Variants in EMC2 observed in about 807,000 individuals in gnomAD.
EMC2 encodes the protein ER membrane protein complex subunit 2.
In EMC2, 37 loss-of-function variants were observed where a neutral mutation model predicts 51.6. The observed-to-expected ratio is 0.72, with a 90% CI of 0.55 to 0.94. EMC2 has a LOEUF of 0.94. Ranked by LOEUF, EMC2 falls within the 40% of genes least tolerant of loss-of-function variation. The pLI, the probability that EMC2 is intolerant of heterozygous loss-of-function variation, is 0.00. For missense variants in EMC2, 359 were observed against 350.9 expected (o/e 1.02, Z -0.18); for synonymous variants, 131 against 112.4 (o/e 1.17, Z -1.04).
intron 5 of EMC2, among the ~76,000 whole-genome samples, chr8:108,457,881 A>G (rs1184323834): frequency 6.6e-6 from 1 of 152,210 alleles, no homozygotes; most frequent in African/African-American, 2.4e-5. Flanking sequence ...TTAATTCAGA[A>G]GTCCACAGTC....
In EMC2 at chr8:108,450,378, G is replaced by C. The variant is rs763736411; in HGVS notation, c.155-50G>C. 7.6e-6 allele frequency: 8 copies of C among 1,049,884 alleles called. No individual in the cohort carries two copies. The East Asian group carries it at 1.4e-4, about 19-fold the overall frequency. 65.0% of individuals were successfully genotyped at this position (1,049,884 alleles called of 1,614,324 possible). ...CTAGAATTCATTAATTTCCATTTGG[G>C]TTTGTTTTAATATTAAATTCAGTTT... On this transcript the variant is annotated intron_variant, in intron 2 of 10. Transcript: ENST00000220853.
intron 10 of EMC2, among the ~76,000 whole-genome samples, chr8:108,483,794 A>AATACTGTATTTTTGTTTTCAT (rs2130420400): frequency 2.0e-5 from 3 of 152,324 alleles, no homozygotes; most frequent in African/African-American, 7.2e-5. Context: ...TATGAAAACA[A>AATACTGTATTTTTGTTTTCAT]AAATACAGTA....
chr8:108,487,259 G>A lies in EMC2; in HGVS notation c.*661G>A, dbSNP rs1439040419. On this transcript the variant is annotated 3_prime_UTR_variant, in exon 11 of 11. Coordinates refer to ENST00000220853, the MANE Select transcript of EMC2 (RefSeq NM_014673.5). ...ATGCCTTAAGATAAATATGTGTTAC[G>A]ACACTTTAACTTTTATGCAAGTTAT... is the stretch of plus-strand genomic sequence containing the variant. Among the ~76,000 whole-genome samples, 2 of 151,672 alleles carry A rather than the reference G, an allele frequency of 1.3e-5. No individual in the cohort carries two copies. Among genetic ancestry groups the A allele is most frequent in the African/African-American group, 2.4e-5 (1 of 41,282 alleles).
intron 4 of EMC2, among the ~76,000 whole-genome samples, 178 bp downstream of exon 4, chr8:108,453,325 A>G (rs974631858): frequency 3.3e-5 from 5 of 152,168 alleles, no homozygotes; most frequent in African/African-American, 9.7e-5. Context: ...TAGATATTCA[A>G]ATAACTTCTT....
At chr8:108,458,366 G>A (rs751799757) in intron 5 of EMC2, among the ~76,000 whole-genome samples, 3 of 152,096 alleles carry the variant, frequency 2.0e-5, no homozygotes, top group Non-Finnish European at 4.4e-5. Flanking sequence ...GGGGGCTCTG[G>A]CCCCACATTT....
At chr8:108,450,033 C>T in intron 2 of EMC2, 97 bp downstream of exon 2, 1 of 505,678 alleles carries the variant, frequency 2.0e-6, no homozygotes, top group Non-Finnish European at 3.5e-6. Context: ...TTCTACTTGT[C>T]ATATTAATTT....
chr8:108,448,826 T>C (rs1299180512), intron 1 of EMC2, among the ~76,000 whole-genome samples: 1 of 152,170 alleles, frequency 6.6e-6, no homozygotes, highest in Non-Finnish European at 1.5e-5. Context: ...AATTGACATA[T>C]AAAATTTAAA....
intron 1 of EMC2, among the ~76,000 whole-genome samples, chr8:108,443,926 C>G (rs561387860): frequency 1.3e-5 from 2 of 152,310 alleles, no homozygotes; most frequent in Admixed American, 6.5e-5. Context: ...TGCCCTCCTC[C>G]GCGCCAGTCC....
In EMC2 at chr8:108,486,620, T is replaced by C; in HGVS notation, c.*22T>C. On this transcript the variant is annotated 3_prime_UTR_variant, in exon 11 of 11. Coordinates refer to ENST00000220853, the MANE Select transcript of EMC2 (RefSeq NM_014673.5). ...TTAAGGTTTCAAAAACTCTTTGACATTAGATTTCACAACTGCACAATTGAA... is the reference window on the plus strand; with the variant it reads ...TTAAGGTTTCAAAAACTCTTTGACACTAGATTTCACAACTGCACAATTGAA... 6.3e-7 allele frequency: 1 copy of C among 1,582,004 alleles called. No individual in the cohort carries two copies. Among genetic ancestry groups the C allele is most frequent in the Non-Finnish European group, 8.6e-7 (1 of 1,167,926 alleles).
chr8:108,457,411 G>C (rs1819197592), intron 5 of EMC2, among the ~76,000 whole-genome samples: 1 of 150,446 alleles, frequency 6.6e-6, no homozygotes, highest in Non-Finnish European at 1.5e-5. Context: ...CTATGTATTA[G>C]TCCATTTTCA....
intron 10 of EMC2, among the ~76,000 whole-genome samples, chr8:108,484,121 T>C (rs1811093358): frequency 2.0e-5 from 3 of 152,138 alleles, no homozygotes; most frequent in Non-Finnish European, 4.4e-5. Flanking sequence ...TGAAAAACTT[T>C]AATGTGAACC....
At chr8:108,463,938 C>G (rs1027294373) in intron 5 of EMC2, 2 of 152,650 alleles carry the variant, frequency 1.3e-5, no homozygotes, top group South Asian at 4.1e-4. Flanking sequence ...ACCAAACCCT[C>G]CACTAACCCC....
rs570052850 is a variant in EMC2 at position 108,453,739 on chromosome 8, A to G, written c.305+592A>G. On this transcript the variant is annotated intron_variant, in intron 4 of 10. Transcript: ENST00000220853. ...AATTTTATTTTCAGTACTTCTAGAT[A>G]ATTGATTGTGCTGTACAGTTTAACT... Among the ~76,000 whole-genome samples the G allele has an allele frequency of 2.6e-5, 4 of 152,172 alleles. No individual in the cohort carries two copies. In the East Asian group the frequency reaches 7.7e-4, roughly 29 times the overall value.
intron 8 of EMC2, 103 bp downstream of exon 8, chr8:108,476,066 A>C (rs1204714525): frequency 1.6e-6 from 1 of 619,734 alleles, no homozygotes; most frequent in African/African-American, 1.9e-5. Flanking sequence ...GTATATAAAT[A>C]TTTAAAACAT....
At chr8:108,455,836 G>A in intron 4 of EMC2, 37 bp from the exon 5 acceptor site, 2 of 728,654 alleles carry the variant, frequency 2.7e-6, no homozygotes, top group Non-Finnish European at 4.5e-6. Context: ...TATTTTTAAG[G>A]TAATAATTGT....
intron 5 of EMC2, among the ~76,000 whole-genome samples, chr8:108,459,896 G>A (rs1819272747): frequency 6.6e-6 from 1 of 152,166 alleles, no homozygotes; most frequent in African/African-American, 2.4e-5. Context: ...ATAAGCTAAT[G>A]TAGATACTGA....
In EMC2 at chr8:108,486,639, A is replaced by G; in HGVS notation, c.*41A>G. The G allele has an allele frequency of 1.3e-6, 2 of 1,550,450 alleles. No individual in the cohort carries two copies. Among genetic ancestry groups the G allele is most frequent in the South Asian group, 1.2e-5 (1 of 80,248 alleles). ...TTGACATTAGATTTCACAACTGCAC[A>G]ATTGAACTTATTGGCCTGTAACTTA... is the stretch of plus-strand genomic sequence containing the variant. On this transcript the variant is annotated 3_prime_UTR_variant, in exon 11 of 11. Transcript: ENST00000220853.
chr8:108,461,778 A>G (rs535424861), intron 5 of EMC2, among the ~76,000 whole-genome samples: 18 of 152,256 alleles, frequency 1.2e-4, no homozygotes, highest in African/African-American at 4.3e-4. Context: ...GTAAAAAAAA[A>G]ATAAGTCTGT....
At position 108,443,651 on chromosome 8, in the gene EMC2, C is replaced by G. The variant is rs1384551547; in HGVS notation, c.-8C>G. The G allele has an allele frequency of 1.2e-6, 2 of 1,608,420 alleles. No homozygotes were observed. The highest frequency in any genetic ancestry group is 1.7e-6 in the Non-Finnish European group (2 of 1,177,304). ...CCTCTCACCCCGCTGCCTCTAGGTT[C>G]TGGGAAGATGGCGAAGGTCTCAGAG... On this transcript the variant is annotated 5_prime_UTR_variant, in exon 1 of 11. Transcript: ENST00000220853.
Sources: allele counts gnomAD v4.1 joint callset (sites outside exome capture counted in the v4.1 genomes callset), GRCh38; gene constraint gnomAD v4.1.1; transcripts MANE v1.5; gene names NCBI Gene and HGNC (gene_info 2026-07-23, HGNC 2026-07-21).